The following ADGRB3 variants were observed in gnomAD, a reference collection of about 807,000 sequenced individuals.
ADGRB3 encodes the protein brain-specific angiogenesis inhibitor 3.
A neutral mutation model predicts 193.4 loss-of-function variants in ADGRB3; 37 were observed. That is an observed-to-expected ratio of 0.19 (90% CI 0.15 to 0.25). The LOEUF (loss-of-function observed/expected upper bound fraction) is 0.25. ADGRB3 is among the 10% of genes least tolerant of loss of function. ADGRB3 has a pLI of 1.00. For missense variants in ADGRB3, 1,637 were observed against 1,852.9 expected, an observed-to-expected ratio of 0.88 and a Z score of 2.14; for synonymous variants, 690 against 644.2, an observed-to-expected ratio of 1.07 and a Z score of -1.08.
In ADGRB3 at chr6:69,010,292, T is replaced by C. The variant is rs529621335; in HGVS notation, c.1930-3746T>C. ...GAGACTTCTGCTGAACAAATTATGT[T>C]CCCCAGAGTTAGTAGTGAATCAGTT... On this transcript the variant is annotated intron_variant, in intron 11 of 31. Transcript: ENST00000370598. Among the ~76,000 whole-genome samples the C allele has an allele frequency of 1.1e-4, 16 of 152,078 alleles. 1 individual carries two copies. In the South Asian group the frequency reaches 2.7e-3, roughly 26 times the overall value.
At chr6:69,239,072 T>G in intron 19 of ADGRB3, 52 bp from the exon 20 acceptor site, 1 of 1,090,844 alleles carries the variant, frequency 9.2e-7, no homozygotes, top group Non-Finnish European at 1.4e-6. Context: ...TATATAATTC[T>G]TCATCTTTCT....
In ADGRB3 at chr6:69,362,654, AT is replaced by A. The variant is rs141212784; in HGVS notation, c.4239+1143del. Among the ~76,000 whole-genome samples, 922 of 152,128 alleles carry A rather than the reference AT, an allele frequency of 6.1e-3. 2 individuals carry two copies. Among genetic ancestry groups the A allele is most frequent in the Middle Eastern group, 0.02 (6 of 294 alleles). ...CTCAAACTGAGTAAGGCTTCTGAGG[AT>A]AACTAGGTCAGAATCATTCTTCAGA... On this transcript the variant is annotated intron_variant, in intron 29 of 31. Coordinates refer to ENST00000370598, the MANE Select transcript of ADGRB3 (RefSeq NM_001704.3).
chr6:68,765,633 C>A (rs889523668), intron 3 of ADGRB3, among the ~76,000 whole-genome samples: 1 of 151,272 alleles, frequency 6.6e-6, no homozygotes, highest in Non-Finnish European at 1.5e-5. Flanking sequence ...AATTATTGAT[C>A]CCTGCAAGGG....
At chr6:69,320,783 T>A (rs1321983) in intron 20 of ADGRB3, among the ~76,000 whole-genome samples, 38,759 of 150,936 alleles carry the variant, frequency 0.26, 6,270 homozygotes, top group African/African-American at 0.45. Context: ...ATTCTCTGTT[T>A]TCAAAGATTT....
At chr6:68,834,401 G>T (rs1483444944) in intron 3 of ADGRB3, among the ~76,000 whole-genome samples, 1 of 152,036 alleles carries the variant, frequency 6.6e-6, no homozygotes, top group Non-Finnish European at 1.5e-5. Flanking sequence ...GAAAAAATGG[G>T]ATATTATTAA....
chr6:69,169,556 T>C (rs1191392317), intron 17 of ADGRB3, among the ~76,000 whole-genome samples: 2 of 150,040 alleles, frequency 1.3e-5, no homozygotes, highest in Non-Finnish European at 3.0e-5. Context: ...GCACGAATTG[T>C]GATTAAATTA....
chr6:69,357,444 A>T (rs753275012), intron 28 of ADGRB3, among the ~76,000 whole-genome samples: 1 of 152,102 alleles, frequency 6.6e-6, no homozygotes, highest in African/African-American at 2.4e-5. Flanking sequence ...TTGTTTGGTG[A>T]CTAAAAGTTT....
At chr6:68,951,181 T>A (rs1932617) in intron 6 of ADGRB3, among the ~76,000 whole-genome samples, 28,712 of 152,044 alleles carry the variant, frequency 0.19, 3,726 homozygotes, top group East Asian at 0.58. Flanking sequence ...TTCTGGATTT[T>A]AAAAAAAATA....
intron 17 of ADGRB3, among the ~76,000 whole-genome samples, chr6:69,147,115 G>C (rs1026062330): frequency 2.0e-5 from 3 of 151,206 alleles, no homozygotes; most frequent in African/African-American, 4.9e-5. Flanking sequence ...TTTATCTTTT[G>C]TGTTGTTTTC....
At chr6:68,882,435 G>A (rs1765758808) in intron 3 of ADGRB3, among the ~76,000 whole-genome samples, 1 of 152,176 alleles carries the variant, frequency 6.6e-6, no homozygotes, top group African/African-American at 2.4e-5. Flanking sequence ...TATCTGAAGA[G>A]CTAGAGATTT....
chr6:69,267,546 G>A (rs1238295988), intron 20 of ADGRB3, among the ~76,000 whole-genome samples: 1 of 152,106 alleles, frequency 6.6e-6, no homozygotes, highest in East Asian at 1.9e-4. Context: ...AAAATACAAA[G>A]TAATATTAGC....
intron 3 of ADGRB3, among the ~76,000 whole-genome samples, chr6:68,742,162 G>T (rs78300763): frequency 0.022 from 3,361 of 152,204 alleles, 63 homozygotes; most frequent in South Asian, 0.069. Flanking sequence ...GAGATAAATT[G>T]CTTGTGGTGT....
chr6:68,928,961 A>AGTC (rs1767259222), intron 3 of ADGRB3, among the ~76,000 whole-genome samples: 1 of 152,208 alleles, frequency 6.6e-6, no homozygotes, highest in African/African-American at 2.4e-5. Flanking sequence ...TTGGATAGTC[A>AGTC]GTCTAGATAT....
intron 3 of ADGRB3, among the ~76,000 whole-genome samples, chr6:68,708,355 C>T (rs1765358812): frequency 6.6e-6 from 1 of 152,120 alleles, no homozygotes; most frequent in Admixed American, 6.5e-5. Flanking sequence ...TAAAGCATTT[C>T]TAAAGACCTC....
At chr6:68,972,296 A>T (rs754832152) in intron 8 of ADGRB3, among the ~76,000 whole-genome samples, 8 of 152,086 alleles carry the variant, frequency 5.3e-5, no homozygotes, top group Non-Finnish European at 1.2e-4. Flanking sequence ...TCCCAAGCCA[A>T]ACTGTGACAA....
intron 3 of ADGRB3, among the ~76,000 whole-genome samples, chr6:68,647,270 AAC>A (rs1768238652): frequency 1.3e-5 from 2 of 152,124 alleles, no homozygotes; most frequent in African/African-American, 4.8e-5. Flanking sequence ...TTACACTTGA[AAC>A]AGTTATAATT....
At chr6:68,978,992 TA>T (rs1351306980) in intron 10 of ADGRB3, among the ~76,000 whole-genome samples, 1 of 151,328 alleles carries the variant, frequency 6.6e-6, no homozygotes, top group Non-Finnish European at 1.5e-5. Flanking sequence ...TTATCATTAA[TA>T]AACATTAGTT....
At chr6:69,340,817 G>A (rs1430873399) in intron 26 of ADGRB3, among the ~76,000 whole-genome samples, 8 of 151,952 alleles carry the variant, frequency 5.3e-5, no homozygotes, top group Non-Finnish European at 8.8e-5. Context: ...CCCTGTGTCC[G>A]TGTGTTCTCA....
chr6:68,961,212 T>C (rs778758006), intron 8 of ADGRB3, among the ~76,000 whole-genome samples: 28 of 152,120 alleles, frequency 1.8e-4, no homozygotes, highest in Non-Finnish European at 1.2e-4. Flanking sequence ...CAAAGAAAGA[T>C]GGTTTAGTCA....
Sources: allele counts gnomAD v4.1 joint callset (sites outside exome capture counted in the v4.1 genomes callset), GRCh38; gene constraint gnomAD v4.1.1; transcripts MANE v1.5; gene names NCBI Gene and HGNC (gene_info 2026-07-23, HGNC 2026-07-21).